The following UBR4 variants were observed in gnomAD, a reference collection of about 807,000 sequenced individuals.
UBR4 encodes the protein E3 ubiquitin-protein ligase UBR4.
UBR4 carries 124 observed loss-of-function variants against 575.6 expected under a neutral mutation model. The observed-to-expected ratio is 0.22, with a 90% CI of 0.19 to 0.25. The LOEUF (loss-of-function observed/expected upper bound fraction) is 0.25. Among genes scored for constraint, UBR4 ranks in the 10% least tolerant of loss-of-function variants. UBR4 has a pLI of 1.00. For missense variants in UBR4, 4,818 were observed against 6,478.8 expected, an observed-to-expected ratio of 0.74 and a Z score of 8.80; for synonymous variants, 2,455 against 2,473.7, an observed-to-expected ratio of 0.99 and a Z score of 0.22.
At position 19,094,075 on chromosome 1, in the gene UBR4, G is replaced by A; in HGVS notation, c.13811C>T (p.Thr4604Ile). ...CACACTGGGGTTGGAGCGAACAAAGGTGCTGTTGATCTGGTCCAAGAGCAT... is the reference window on the plus strand; with the variant it reads ...CACACTGGGGTTGGAGCGAACAAAGATGCTGTTGATCTGGTCCAAGAGCAT... ...LVMLLDQINS[T>I]FVRSNPSVLQ... Residue 4604 changes from threonine (T) to isoleucine (I), a missense_variant, in exon 95 of 106, where the codon ACC (threonine) becomes ATC (isoleucine). Around this residue, in one of 29 missense-constraint regions of UBR4, gnomAD observed 165 missense variants for 282.3 expected, o/e 0.58. Transcript: ENST00000375254. 1 of 1,614,094 alleles carries A rather than the reference G, an allele frequency of 6.2e-7. No individual in the cohort carries two copies. The highest frequency in any genetic ancestry group is 8.5e-7 in the Non-Finnish European group (1 of 1,180,004).
At position 19,150,758 on chromosome 1, in the gene UBR4, T is replaced by A. The variant is rs773058798; in HGVS notation, c.7249A>T (p.Ile2417Leu). 1.2e-5 allele frequency: 19 copies of A among 1,614,014 alleles called. 1 individual carries two copies. The South Asian group carries it at 1.3e-4, about 11-fold the overall frequency. Reference protein sequence around the residue: ...ASVDPAGVTMIDAVKIYGKTK... With the variant: ...ASVDPAGVTMLDAVKIYGKTK... ...TTGCCATAAATTTTTACAGCATCTA[T>A]CATGGTGACACCTGCTGGATCCACC... is the stretch of plus-strand genomic sequence containing the variant. The change falls in exon 49 of 106, where the codon ATA becomes TTA. Residue 2417 changes from isoleucine (I) to leucine (L), a missense_variant. By Grantham distance (5) the Ile-to-Leu change is conservative (BLOSUM62 2). Coordinates refer to ENST00000375254, the MANE Select transcript of UBR4 (RefSeq NM_020765.3).
intron 11 of UBR4, among the ~76,000 whole-genome samples, chr1:19,190,312 A>AAAAATATATAT: frequency 1.0e-4 from 8 of 79,904 alleles, no homozygotes; most frequent in African/African-American, 4.3e-4. Flanking sequence ...AAAAAAAAAA[A>AAAAATATATAT]ATATATATAT....
At position 19,127,606 on chromosome 1, in the gene UBR4, AC is replaced by A. The variant is rs2081968247; in HGVS notation, c.9228+16del. ...CGCTTACCTTTCCCCAAACCCATGA[AC>A]CCAAAGCAAAAATACCTCACATATG... On this transcript the variant is annotated intron_variant, in intron 63 of 105. Transcript: ENST00000375254. The A allele has an allele frequency of 6.2e-7, 1 of 1,608,724 alleles. No individual in the cohort carries two copies. Among genetic ancestry groups the A allele is most frequent in the African/African-American group, 1.3e-5 (1 of 74,942 alleles).
rs2091656552 is a variant in UBR4, at chr1:19,187,440, C to T, written c.1494+1G>A. ...GATTACCATGGGGATAACCTCCTCACCTTGTGAAGGGCCTCCACTTGTAGG... is the reference window on the plus strand; with the variant it reads ...GATTACCATGGGGATAACCTCCTCATCTTGTGAAGGGCCTCCACTTGTAGG... On this transcript the variant is annotated splice_donor_variant, in intron 12 of 105. Coordinates refer to ENST00000375254, the MANE Select transcript of UBR4 (RefSeq NM_020765.3). LOFTEE classifies it high-confidence loss of function. 1 of 1,614,082 alleles carries T rather than the reference C, an allele frequency of 6.2e-7. No homozygotes were observed.
rs550154504 is a variant in UBR4, at chr1:19,205,590, T to C, written c.177-3775A>G. 2.0e-5 allele frequency among the ~76,000 whole-genome samples: 3 copies of C among 152,160 alleles called. No homozygotes were observed. In the East Asian group the frequency reaches 5.8e-4, roughly 29 times the overall value. On this transcript the variant is annotated intron_variant, in intron 1 of 105. Transcript: ENST00000375254. ...ATGTGATACTAAGACATAGAAACAGTAGTCACAAAGACTAATCTCACAATC... is the reference window on the plus strand; with the variant it reads ...ATGTGATACTAAGACATAGAAACAGCAGTCACAAAGACTAATCTCACAATC...
chr1:19,194,100 T>C (rs967592548), intron 8 of UBR4, among the ~76,000 whole-genome samples: 1 of 152,156 alleles, frequency 6.6e-6, no homozygotes, highest in Non-Finnish European at 1.5e-5. Context: ...TTTTGTACAA[T>C]ATGGTAATCA....
At chr1:19,127,860 A>G in intron 62 of UBR4, 121 bp from the exon 63 acceptor site, 1 of 786,130 alleles carries the variant, frequency 1.3e-6, no homozygotes, top group Non-Finnish European at 2.1e-6. Context: ...TGAATCAGAC[A>G]CAAAACAACC....
At chr1:19,078,301 T>C in intron 103 of UBR4, 1 of 460,558 alleles carries the variant, frequency 2.2e-6, no homozygotes, top group Non-Finnish European at 4.0e-6. Context: ...ATTCTCTCAG[T>C]GCTCATCTTC....
chr1:19,123,864 C>T (rs1224501824), intron 65 of UBR4, among the ~76,000 whole-genome samples: 5 of 152,158 alleles, frequency 3.3e-5, no homozygotes, highest in Non-Finnish European at 7.3e-5. Context: ...TCTCTCAGTT[C>T]CCAACCCACC....
rs557800264 is a variant in UBR4, at chr1:19,089,021, G to C, written c.14212-44C>G. ...AGAGACACATGCCTCCAATTATGTA[G>C]ACAAACCTTCTTCCCGGGAGCTTAA... On this transcript the variant is annotated intron_variant, in intron 97 of 105. Transcript: ENST00000375254. This position sits in a 1 kb window ranked among gnomAD's most constrained non-coding sequence, Gnocchi z 4.3. 1 of 1,592,656 alleles carries C rather than the reference G, an allele frequency of 6.3e-7. No individual in the cohort carries two copies.
Position 19,129,291 on chromosome 1 carries a change from G to A in UBR4, c.8907-217C>T, listed in dbSNP as rs532830153. 5.9e-5 allele frequency among the ~76,000 whole-genome samples: 9 copies of A among 152,214 alleles called. No individual in the cohort carries two copies. The South Asian group carries it at 1.2e-3, about 21-fold the overall frequency. On this transcript the variant is annotated intron_variant, in intron 60 of 105. Coordinates refer to ENST00000375254, the MANE Select transcript of UBR4 (RefSeq NM_020765.3). ...AGATCCCACTCTGTTAAAAGAAAGTGAAACTATTCTAAAATACAACTGATG... is the reference window on the plus strand; with the variant it reads ...AGATCCCACTCTGTTAAAAGAAAGTAAAACTATTCTAAAATACAACTGATG...
chr1:19,121,391 C>T lies in UBR4; in HGVS notation c.9939G>A (p.Glu3313=). 1 of 1,614,120 alleles carries T rather than the reference C, an allele frequency of 6.2e-7. No individual in the cohort carries two copies. The highest frequency in any genetic ancestry group is 8.5e-7 in the Non-Finnish European group (1 of 1,179,998). The change falls in exon 68 of 106, where the codon GAG becomes GAA. Residue 3313 remains glutamate, a synonymous_variant. Transcript: ENST00000375254. ...GTTGCAGCAGCACTGGGGACACGCCCTCATCCACAAGGAAACTGACTTGGA... is the reference window on the plus strand; with the variant it reads ...GTTGCAGCAGCACTGGGGACACGCCTTCATCCACAAGGAAACTGACTTGGA... ...FLLQVSFLVD[E]GVSPVLLQLL...
chr1:19,128,901 T>G (rs2082113371), intron 61 of UBR4, 77 bp downstream of exon 61: 1 of 1,332,982 alleles, frequency 7.5e-7, no homozygotes. Context: ...TTCCAGGTCC[T>G]CTGGAAGAGA....
At chr1:19,170,707 C>T in intron 26 of UBR4, 55 bp downstream of exon 26, 3 of 1,612,436 alleles carry the variant, frequency 1.9e-6, no homozygotes, top group Non-Finnish European at 2.5e-6. Flanking sequence ...AGCCATAGTA[C>T]TAGCAGTAGT....
rs1489072766 is a variant in UBR4 at position 19,164,814 on chromosome 1, A to G, written c.4496T>C (p.Ile1499Thr). 4 of 1,614,056 alleles carry G rather than the reference A, an allele frequency of 2.5e-6. No homozygotes were observed. The South Asian group carries it at 3.3e-5, about 13-fold the overall frequency. ...GTTGTTCTACCTGTTTTCCCGAACA[A>G]TGTATGTGGTCAGTAACTGCAGCAG... is the stretch of plus-strand genomic sequence containing the variant. ...RQLLQLLTTYIVRENSQVGEG... is the reference protein window; with the variant it reads ...RQLLQLLTTYTVRENSQVGEG... The change falls in exon 32 of 106, where the codon ATT (isoleucine) becomes ACT (threonine). Residue 1499 changes from isoleucine to threonine, a missense_variant. By Grantham distance (89) the Ile-to-Thr change is moderately conservative. This residue lies in a region of UBR4 where 1,172 missense variants were observed against 1,259.7 expected (regional missense o/e 0.93). Transcript: ENST00000375254.
Position 19,101,623 on chromosome 1 carries a change from T to C in UBR4, c.12920A>G (p.Lys4307Arg), listed in dbSNP as rs1276989198. 6.2e-7 allele frequency: 1 copy of C among 1,610,450 alleles called. No homozygotes were observed. The highest frequency in any genetic ancestry group is 1.7e-5 in the Admixed American group (1 of 59,978). The change falls in exon 88 of 106, where the codon AAG (lysine) becomes AGG (arginine). Residue 4307 changes from lysine to arginine, a missense_variant. Physicochemically the swap from Lys to Arg is conservative, Grantham distance 26. Coordinates refer to ENST00000375254, the MANE Select transcript of UBR4 (RefSeq NM_020765.3). ...DMTTGTESETKAFMAVCIETA... is the reference protein window; with the variant it reads ...DMTTGTESETRAFMAVCIETA... ...CTCAATGCACACAGCCATGAAGGCC[T>C]TGGTTTCTGATTCTGTACCTGCCAG...
chr1:19,102,671 A>G (rs1050497379), intron 87 of UBR4, among the ~76,000 whole-genome samples: 1 of 152,218 alleles, frequency 6.6e-6, no homozygotes. Context: ...AACACGAGTC[A>G]GTTTTTGCGT....
intron 60 of UBR4, among the ~76,000 whole-genome samples, chr1:19,133,516 T>C (rs950771678): frequency 2.6e-5 from 4 of 152,164 alleles, no homozygotes; most frequent in South Asian, 2.1e-4. Context: ...TCTTTCAACA[T>C]TGTACAAGAG....
At chr1:19,162,145 C>A (rs1015023184) in intron 35 of UBR4, among the ~76,000 whole-genome samples, 5 of 152,130 alleles carry the variant, frequency 3.3e-5, no homozygotes, top group Admixed American at 1.3e-4. Context: ...CTTCCACTAC[C>A]CCCCATGAAG....
Sources: allele counts gnomAD v4.1 joint callset (sites outside exome capture counted in the v4.1 genomes callset), GRCh38; gene constraint gnomAD v4.1.1; regional missense constraint gnomAD v4.1.1; non-coding constraint Gnocchi (gnomAD v3.1); transcripts MANE v1.5; gene names NCBI Gene and HGNC (gene_info 2026-07-23, HGNC 2026-07-21).